Variants in FEZF1 observed in about 807,000 individuals in gnomAD.
FEZF1 encodes the protein fez family zinc finger protein 1.
Under a neutral mutation model 32.4 loss-of-function variants are expected in FEZF1, and 8 were observed. That is an observed-to-expected ratio of 0.25 (90% confidence interval 0.15 to 0.45). The LOEUF is 0.45. Ranked by LOEUF, FEZF1 falls within the 20% of genes least tolerant of loss-of-function variation. The pLI is 1.00. For missense variants in FEZF1, 546 were observed against 622.3 expected, an observed-to-expected ratio of 0.88 and a Z score of 1.31; for synonymous variants, 259 against 265.2, an observed-to-expected ratio of 0.98 and a Z score of 0.23.
chr7:122,304,072 G>C lies in FEZF1; in HGVS notation c.366C>G (p.Asn122Lys). ...GGTCGCCCTTGAGACTCAGTGCGCAGTTGAGCAGGTCGCTGCAGCTGAATG... is the reference window on the plus strand; with the variant it reads ...GGTCGCCCTTGAGACTCAGTGCGCACTTGAGCAGGTCGCTGCAGCTGAATG... ...APAFSCSDLLNCALSLKGDLA... is the reference protein window; with the variant it reads ...APAFSCSDLLKCALSLKGDLA... Residue 122 changes from asparagine to lysine, a missense_variant, in exon 1 of 4, where the codon AAC becomes AAG. Physicochemically the swap from Asn to Lys is moderately conservative, Grantham distance 94. Transcript: ENST00000442488. The C allele has an allele frequency of 6.4e-7, 1 of 1,565,246 alleles. No individual in the cohort carries two copies. Among genetic ancestry groups the C allele is most frequent in the Non-Finnish European group, 8.6e-7 (1 of 1,157,688 alleles).
In FEZF1 at chr7:122,302,651, T is replaced by C. The variant is rs2031086587; in HGVS notation, c.1069+148A>G. The C allele has an allele frequency of 6.6e-6, 6 of 903,166 alleles. No individual in the cohort carries two copies. Among genetic ancestry groups the C allele is most frequent in the Non-Finnish European group, 1.0e-5 (6 of 577,878 alleles). 55.9% of individuals were successfully genotyped at this position (903,166 alleles called of 1,614,324 possible). A position where few individuals can be genotyped will look rare whatever the true frequency, so the allele number is the denominator to read the frequency against. Reference sequence around the variant, plus strand: ...TTTTATGAATCATGCTTTTCTCTAATACTAATCAGACTTCGAGTAGGGAGT... The same window carrying C: ...TTTTATGAATCATGCTTTTCTCTAACACTAATCAGACTTCGAGTAGGGAGT... On this transcript the variant is annotated intron_variant, in intron 3 of 3. Transcript: ENST00000442488. This position sits in a 1 kb window ranked among gnomAD's most constrained non-coding sequence, Gnocchi z 4.4.
In FEZF1 at chr7:122,301,725, A is replaced by G; in HGVS notation, c.*272T>C. The G allele has an allele frequency of 5.0e-6, 2 of 398,150 alleles. No individual in the cohort carries two copies. Among genetic ancestry groups the G allele is most frequent in the Non-Finnish European group, 8.7e-6 (2 of 228,982 alleles). The allele number at this position is 398,150 out of a possible 1,614,324, so 24.7% of individuals were successfully genotyped here. A position where few individuals can be genotyped will look rare whatever the true frequency, so the allele number is the denominator to read the frequency against. ...CACCCAAGATGAAAAGTCTTTCCAA[A>G]TTAAAAAAAAAGAAAAAGAAAAACA... On this transcript the variant is annotated 3_prime_UTR_variant, in exon 4 of 4. Transcript: ENST00000442488.
chr7:122,304,633 C>T lies in FEZF1; in HGVS notation c.-196G>A, dbSNP rs1401594698. ...ACTCCTGCCAGCCCATCGCAGAGTT[C>T]TTGGCGCACCAATGACTCGGGGACA... is the stretch of plus-strand genomic sequence containing the variant. On this transcript the variant is annotated 5_prime_UTR_variant, in exon 1 of 4. Transcript: ENST00000442488. The T allele has an allele frequency of 2.2e-6, 1 of 462,878 alleles. No individual in the cohort carries two copies. Among genetic ancestry groups the T allele is most frequent in the African/African-American group, 2.0e-5 (1 of 50,430 alleles). The allele number at this position is 462,878 out of a possible 1,614,324, so 28.7% of individuals were successfully genotyped here. A position where few individuals can be genotyped will look rare whatever the true frequency, so the allele number is the denominator to read the frequency against.
rs1283382494 is a variant in FEZF1, at chr7:122,301,918, G to C, written c.*79C>G. On this transcript the variant is annotated 3_prime_UTR_variant, in exon 4 of 4. Transcript: ENST00000442488. The stretch of plus-strand genomic sequence containing the variant: ...CCAACATGCCCTGGGGTCTGCAGAC[G>C]AACTCGGACCAGGAGCTCTAGTCTG... The C allele has an allele frequency of 6.6e-7, 1 of 1,517,302 alleles. No homozygotes were observed. Among genetic ancestry groups the C allele is most frequent in the East Asian group, 2.3e-5 (1 of 43,982 alleles). 94.0% of individuals were successfully genotyped at this position (1,517,302 alleles called of 1,614,324 possible). A position where few individuals can be genotyped will look rare whatever the true frequency, so the allele number is the denominator to read the frequency against.
upstream of FEZF1, chr7:122,305,048 TAA>T (rs2031233830): frequency 6.6e-6 from 1 of 152,100 alleles, no homozygotes; most frequent in South Asian, 2.1e-4. Context: ...CGTTTAGCTC[TAA>T]GTGACATCAT....
rs2031028370 is a variant in FEZF1 at position 122,301,479 on chromosome 7, T to C, written c.*518A>G. ...GTACCCCTATGGGCGCACACATCTA[T>C]GCGTGTATATATGACATACACACAG... On this transcript the variant is annotated 3_prime_UTR_variant, in exon 4 of 4. Transcript: ENST00000442488. 1 of 152,878 alleles carries C rather than the reference T, an allele frequency of 6.5e-6. No homozygotes were observed. Among genetic ancestry groups the C allele is most frequent in the African/African-American group, 2.4e-5 (1 of 41,474 alleles). 9.5% of individuals were successfully genotyped at this position (152,878 alleles called of 1,614,324 possible). A position where few individuals can be genotyped will look rare whatever the true frequency, so the allele number is the denominator to read the frequency against.
At chr7:122,309,126 A>C (rs780955797), upstream of FEZF1, among the ~76,000 whole-genome samples, 10 of 152,236 alleles carry the variant, frequency 6.6e-5, no homozygotes, top group Non-Finnish European at 1.2e-4. Context: ...TACTTAATAC[A>C]CAACGGGAAC....
Position 122,302,492 on chromosome 7 carries a change from T to A in FEZF1, c.1070-137A>T, listed in dbSNP as rs1380749772. 7.4e-7 allele frequency: 1 copy of A among 1,351,708 alleles called. No individual in the cohort carries two copies. Among genetic ancestry groups the A allele is most frequent in the African/African-American group, 1.5e-5 (1 of 67,630 alleles). The allele number at this position is 1,351,708 out of a possible 1,614,324, so 83.7% of individuals were successfully genotyped here. On this transcript the variant is annotated intron_variant, in intron 3 of 3. Transcript: ENST00000442488. The surrounding 1 kb of genome is among the most constrained non-coding windows in gnomAD (Gnocchi z 4.4). ...CCACAACAAGTGCAGGGCTACTATC[T>A]GTGCCTGCACTTGTCTCCCCAAGTT...
chr7:122,302,738 A>G lies in FEZF1; in HGVS notation c.1069+61T>C. The G allele has an allele frequency of 1.3e-6, 2 of 1,568,848 alleles. No homozygotes were observed. Among genetic ancestry groups the G allele is most frequent in the South Asian group, 1.1e-5 (1 of 88,024 alleles). ...AAACATCGTCTTCTAAAACATCCCG[A>G]AAGTATTAAGTATGGCTTTTCATAA... is the stretch of plus-strand genomic sequence containing the variant. On this transcript the variant is annotated intron_variant, in intron 3 of 3. Transcript: ENST00000442488. The surrounding 1 kb of genome is among the most constrained non-coding windows in gnomAD (Gnocchi z 4.4).
intron 1 of FEZF1, 70 bp from the exon 2 acceptor site, chr7:122,303,381 G>A (rs1205355744): frequency 9.6e-6 from 15 of 1,568,910 alleles, no homozygotes; most frequent in Non-Finnish European, 5.2e-6. Flanking sequence ...GGCAGAGAGA[G>A]GGTAGGAGGA....
Position 122,302,864 on chromosome 7 carries a change from G to C in FEZF1, c.1004C>G (p.Thr335Ser). ...FNRSSTLNTH[T>S]RIHAGYKPFV... ...CGGTTTGTAGCCCGCGTGTATTCGG[G>C]TATGAGTGTTTAAAGTGGAACTTCT... The change falls in exon 3 of 4, where the codon ACC becomes AGC. Residue 335 changes from threonine to serine, a missense_variant. By Grantham distance (58) the Thr-to-Ser change is moderately conservative. Transcript: ENST00000442488. This position sits in a 1 kb window ranked among gnomAD's most constrained non-coding sequence, Gnocchi z 4.4. 6.2e-7 allele frequency: 1 copy of C among 1,614,014 alleles called. No homozygotes were observed. Among genetic ancestry groups the C allele is most frequent in the East Asian group, 2.2e-5 (1 of 44,866 alleles).
Position 122,302,114 on chromosome 7 carries a change from T to C in FEZF1, c.1311A>G (p.Pro437=). The change falls in exon 4 of 4, where the codon CCA becomes CCG. Residue 437 remains proline (P), a synonymous_variant. Transcript: ENST00000442488. This position sits in a 1 kb window ranked among gnomAD's most constrained non-coding sequence, Gnocchi z 4.4. ...GTAGCGGGGGCGGCGGTTCAGTGCC[T>C]GGTTCGCCAGCTGGCGTGCGGGCCA... The part of the protein sequence containing the change: ...LGLARTPAGE[P]GTEPPPPLPQ... The C allele has an allele frequency of 6.2e-7, 1 of 1,613,542 alleles. No homozygotes were observed. The highest frequency in any genetic ancestry group is 1.3e-5 in the African/African-American group (1 of 75,044).
upstream of FEZF1, chr7:122,308,449 T>A (rs1023103516): frequency 6.6e-6 from 1 of 152,238 alleles, no homozygotes; most frequent in African/African-American, 2.4e-5. Flanking sequence ...CTAAGCTGTG[T>A]TCTTGCTATT....
In FEZF1 at chr7:122,302,030, G is replaced by C; in HGVS notation, c.1395C>G (p.Pro465=). ...PLQPPLPTPG[P]LQPGLHQGHQ ...GGCCCTGGTGGAGCCCGGGCTGCAGGGGCCCCGGGGTTGGCAGCGGCGGCT... is the reference window on the plus strand; with the variant it reads ...GGCCCTGGTGGAGCCCGGGCTGCAGCGGCCCCGGGGTTGGCAGCGGCGGCT... Residue 465 remains proline (P), a synonymous_variant, in exon 4 of 4, where the codon CCC becomes CCG. Transcript: ENST00000442488. The surrounding 1 kb of genome is among the most constrained non-coding windows in gnomAD (Gnocchi z 4.4). 1 of 1,598,926 alleles carries C rather than the reference G, an allele frequency of 6.3e-7. No individual in the cohort carries two copies. Among genetic ancestry groups the C allele is most frequent in the Non-Finnish European group, 8.5e-7 (1 of 1,178,050 alleles).
chr7:122,302,473 C>T lies in FEZF1; in HGVS notation c.1070-118G>A. ...AGAAGAGCCGCCACAGGTCCCACAA[C>T]AAGTGCAGGGCTACTATCTGTGCCT... On this transcript the variant is annotated intron_variant, in intron 3 of 3. Transcript: ENST00000442488. The surrounding 1 kb of genome is among the most constrained non-coding windows in gnomAD (Gnocchi z 4.4). 1 of 1,461,094 alleles carries T rather than the reference C, an allele frequency of 6.8e-7. No homozygotes were observed. Among genetic ancestry groups the T allele is most frequent in the Non-Finnish European group, 9.2e-7 (1 of 1,082,064 alleles). The allele number at this position is 1,461,094 out of a possible 1,614,324, so 90.5% of individuals were successfully genotyped here.
upstream of FEZF1, chr7:122,307,372 G>A (rs1584963736): frequency 6.6e-6 from 1 of 152,450 alleles, no homozygotes; most frequent in East Asian, 1.9e-4. Context: ...CAAGAAGCGC[G>A]AAGCAGCCCG....
At chr7:122,304,970 C>G (rs897786097), upstream of FEZF1, 1 of 148,696 alleles carries the variant, frequency 6.7e-6, no homozygotes, top group African/African-American at 2.5e-5. Context: ...TTTGCTTCCT[C>G]TGCCTTTCTA....
chr7:122,302,866 A>G lies in FEZF1; in HGVS notation c.1002T>C (p.His334=), dbSNP rs78309987. ...GTTTGTAGCCCGCGTGTATTCGGGT[A>G]TGAGTGTTTAAAGTGGAACTTCTAT... ...AFNRSSTLNT[H]TRIHAGYKPF... is the part of the protein sequence containing the mutation. Residue 334 remains histidine, a synonymous_variant, in exon 3 of 4, where the codon CAT becomes CAC. Transcript: ENST00000442488. The surrounding 1 kb of genome is among the most constrained non-coding windows in gnomAD (Gnocchi z 4.4). 1,113 of 1,614,054 alleles carry G rather than the reference A, an allele frequency of 6.9e-4. 14 individuals are homozygous for G. The East Asian group carries it at 0.02, about 28-fold the overall frequency.
intron 1 of FEZF1, chr7:122,309,752 T>C (rs2031375015): frequency 6.6e-6 from 1 of 152,226 alleles, no homozygotes; most frequent in Non-Finnish European, 1.5e-5. Context: ...TACAAGGGTG[T>C]TACTGAAATC....
Sources: gnomAD v4.1 joint callset for allele counts (sites outside exome capture counted in the v4.1 genomes callset) on GRCh38, gnomAD v4.1.1 for gene constraint, Gnocchi (gnomAD v3.1) non-coding constraint, MANE v1.5 for transcripts, NCBI Gene and HGNC (gene_info 2026-07-23, HGNC 2026-07-21) for gene names.